The following GSG1L variants were observed in gnomAD, a reference collection of about 807,000 sequenced individuals.
GSG1L encodes germ cell-specific gene 1-like protein.
GSG1L carries 24 observed loss-of-function variants against 42.1 expected under a neutral mutation model. That is an observed-to-expected ratio of 0.57 (90% CI 0.41 to 0.80). GSG1L has a LOEUF of 0.80. Ranked by LOEUF, GSG1L falls within the 30% of genes least tolerant of loss-of-function variation. The pLI is 0.00. For missense variants in GSG1L, 445 were observed against 472.2 expected, an observed-to-expected ratio of 0.94 and a Z score of 0.53; for synonymous variants, 215 against 203.5, an observed-to-expected ratio of 1.06 and a Z score of -0.48.
intron 1 of GSG1L, among the ~76,000 whole-genome samples, chr16:28,011,512 G>A (rs138654603): frequency 1.2e-3 from 179 of 152,350 alleles, no homozygotes; most frequent in Non-Finnish European, 2.0e-3. Flanking sequence ...GGTCCAGATC[G>A]AGTCAGTCGT....
intron 1 of GSG1L, among the ~76,000 whole-genome samples, chr16:28,036,557 C>T (rs2086040240): frequency 6.6e-6 from 1 of 152,210 alleles, no homozygotes; most frequent in African/African-American, 2.4e-5. Flanking sequence ...CTTCGGCTGC[C>T]TCTCCTTTCC....
chr16:28,004,739 C>T (rs1002256013), intron 1 of GSG1L, among the ~76,000 whole-genome samples: 3 of 152,064 alleles, frequency 2.0e-5, no homozygotes, highest in Admixed American at 6.6e-5. Context: ...GATTGCGCCC[C>T]TGCTCTCCAA....
intron 1 of GSG1L, among the ~76,000 whole-genome samples, chr16:28,015,652 G>C (rs1377157848): frequency 6.6e-6 from 1 of 152,236 alleles, no homozygotes; most frequent in Non-Finnish European, 1.5e-5. Flanking sequence ...TTCATGATTA[G>C]TATGTAAGGG....
At chr16:27,811,230 C>T (rs1597465972) in intron 5 of GSG1L, among the ~76,000 whole-genome samples, 1 of 152,140 alleles carries the variant, frequency 6.6e-6, no homozygotes. Context: ...TTTACCTATC[C>T]AGAAATTTTT....
chr16:27,974,700 T>C (rs148466195), intron 1 of GSG1L, among the ~76,000 whole-genome samples: 44 of 152,246 alleles, frequency 2.9e-4, no homozygotes, highest in African/African-American at 1.0e-3. Flanking sequence ...AATCTCAGCC[T>C]CAACTCAAGG....
At chr16:27,991,440 C>T (rs1175634603) in intron 1 of GSG1L, among the ~76,000 whole-genome samples, 1 of 151,250 alleles carries the variant, frequency 6.6e-6, no homozygotes, top group Non-Finnish European at 1.5e-5. Flanking sequence ...GAGTCTCACT[C>T]TATTGCCCAG....
intron 2 of GSG1L, among the ~76,000 whole-genome samples, chr16:27,924,379 G>A (rs2084567414): frequency 6.6e-6 from 1 of 151,918 alleles, no homozygotes; most frequent in Non-Finnish European, 1.5e-5. Flanking sequence ...ATGAACAAAT[G>A]TACTACCCTA....
At chr16:28,062,086 C>A (rs537644703) in intron 1 of GSG1L, among the ~76,000 whole-genome samples, 19 of 152,302 alleles carry the variant, frequency 1.2e-4, no homozygotes, top group Admixed American at 7.8e-4. Flanking sequence ...GGAGTTTTAA[C>A]CTTGGAGAAA....
chr16:27,836,440 G>A (rs1165334469), intron 4 of GSG1L, among the ~76,000 whole-genome samples: 1 of 151,988 alleles, frequency 6.6e-6, no homozygotes, highest in Admixed American at 6.5e-5. Flanking sequence ...ATTTCTTTCA[G>A]TACTTGGTCC....
At chr16:28,049,879 G>T (rs1410469761) in intron 1 of GSG1L, among the ~76,000 whole-genome samples, 1 of 152,064 alleles carries the variant, frequency 6.6e-6, no homozygotes, top group Non-Finnish European at 1.5e-5. Context: ...AACTCCACCT[G>T]CAAGAGCTAC....
intron 1 of GSG1L, among the ~76,000 whole-genome samples, chr16:28,028,917 T>C (rs922115898): frequency 1.1e-4 from 17 of 152,250 alleles, no homozygotes; most frequent in African/African-American, 3.6e-4. Flanking sequence ...TCTCAGACGC[T>C]GCAGCAGTGA....
At chr16:28,016,720 G>A (rs558441934) in intron 1 of GSG1L, among the ~76,000 whole-genome samples, 1 of 152,312 alleles carries the variant, frequency 6.6e-6, no homozygotes, top group South Asian at 2.1e-4. Flanking sequence ...CTTACTGCAT[G>A]TCGGCATTGT....
At chr16:27,959,636 C>T (rs938979410) in intron 2 of GSG1L, among the ~76,000 whole-genome samples, 1 of 151,156 alleles carries the variant, frequency 6.6e-6, no homozygotes, top group African/African-American at 2.4e-5. Flanking sequence ...GGGCACCAAG[C>T]GTGGGGCATG....
At chr16:27,811,702 G>GC (rs1434945169) in intron 5 of GSG1L, among the ~76,000 whole-genome samples, 1 of 152,248 alleles carries the variant, frequency 6.6e-6, no homozygotes, top group African/African-American at 2.4e-5. Context: ...AGGCTGGCAT[G>GC]CAGTGGTGTG....
At chr16:27,967,348 A>G (rs1271024525) in intron 1 of GSG1L, among the ~76,000 whole-genome samples, 4 of 152,210 alleles carry the variant, frequency 2.6e-5, no homozygotes, top group Non-Finnish European at 5.9e-5. Context: ...ATGTCAAGCC[A>G]AGGAGGTGCT....
chr16:27,840,790 T>C (rs2083372280), intron 4 of GSG1L, among the ~76,000 whole-genome samples: 1 of 152,134 alleles, frequency 6.6e-6, no homozygotes, highest in African/African-American at 2.4e-5. Flanking sequence ...ACTCTTGAGA[T>C]AGTCTCCCCA....
At chr16:27,889,158 A>G (rs780859862) in intron 2 of GSG1L, among the ~76,000 whole-genome samples, 1 of 151,606 alleles carries the variant, frequency 6.6e-6, no homozygotes, top group Non-Finnish European at 1.5e-5. Context: ...TAATTTTTTT[A>G]TTTTTTATTT....
chr16:28,022,366 C>T (rs920453816), intron 1 of GSG1L, among the ~76,000 whole-genome samples: 1 of 152,186 alleles, frequency 6.6e-6, no homozygotes, highest in Non-Finnish European at 1.5e-5. Flanking sequence ...CACTCTGTCA[C>T]CCAGGCTGGA....
chr16:27,798,973 CTAAG>C (rs2082851143), intron 6 of GSG1L, among the ~76,000 whole-genome samples: 1 of 152,120 alleles, frequency 6.6e-6, no homozygotes, highest in Non-Finnish European at 1.5e-5. Context: ...CTCCTGAGGA[CTAAG>C]TGAGCTAAAT....
Sources: gnomAD v4.1 joint callset for allele counts (sites outside exome capture counted in the v4.1 genomes callset) on GRCh38, gnomAD v4.1.1 for gene constraint, MANE v1.5 for transcripts, NCBI Gene and HGNC (gene_info 2026-07-23, HGNC 2026-07-21) for gene names.